The following TGFBR3 variants were observed in gnomAD, a reference collection of about 807,000 sequenced individuals.
TGFBR3 encodes transforming growth factor beta receptor type 3.
TGFBR3 carries 46 observed loss-of-function variants against 87.9 expected under a neutral mutation model. The ratio of observed to expected loss-of-function variants is 0.52; its 90% CI spans 0.41 to 0.67. The LOEUF (loss-of-function observed/expected upper bound fraction) is 0.67, where lower values mean the gene tolerates loss of function less well. TGFBR3 is among the 30% of genes least tolerant of loss of function. The pLI, the probability that TGFBR3 is intolerant of heterozygous loss-of-function variation, is 0.00. For synonymous variants in TGFBR3, 381 were observed against 391.6 expected (o/e 0.97, Z 0.32); for missense variants, 866 against 1,041.9 (o/e 0.83, Z 2.32).
Position 91,734,316 on chromosome 1 carries a change from A to G in TGFBR3, c.568+460T>C, listed in dbSNP as rs371495981. On this transcript the variant is annotated intron_variant, in intron 5 of 16. Transcript: ENST00000212355. The stretch of plus-strand genomic sequence containing the variant: ...AATACTTTTCCTTTGCTATTGTCCA[A>G]AATGTAACCTATGTCTCAGCACCAC... Among the ~76,000 whole-genome samples, 17 of 152,304 alleles carry G rather than the reference A, an allele frequency of 1.1e-4. No individual in the cohort carries two copies. In the South Asian group the frequency reaches 1.4e-3, roughly 13 times the overall value.
chr1:91,899,374 C>G (rs945326805), intron 2 of TGFBR3, among the ~76,000 whole-genome samples: 1 of 152,030 alleles, frequency 6.6e-6, no homozygotes, highest in Non-Finnish European at 1.5e-5. Flanking sequence ...CGTATGGTGG[C>G]GTGCACTGGT....
At chr1:91,878,286 A>G (rs1004320423) in intron 1 of TGFBR3, among the ~76,000 whole-genome samples, 2 of 152,104 alleles carry the variant, frequency 1.3e-5, no homozygotes, top group Non-Finnish European at 2.9e-5. Context: ...GAAAAGAAAA[A>G]AAAAAAAAAC....
intron 2 of TGFBR3, among the ~76,000 whole-genome samples, chr1:91,798,665 C>T (rs539591018): frequency 8.5e-5 from 13 of 152,224 alleles, no homozygotes; most frequent in African/African-American, 1.4e-4. Flanking sequence ...CTTTATTGGT[C>T]GAATGTGACC....
chr1:91,698,207 G>T, intron 14 of TGFBR3, 77 bp from the exon 15 acceptor site: 1 of 1,211,654 alleles, frequency 8.3e-7, no homozygotes, highest in Non-Finnish European at 1.2e-6. Flanking sequence ...AGTCTCAGCA[G>T]AAACTGACAC....
chr1:91,876,816 T>G (rs545236365), intron 1 of TGFBR3, among the ~76,000 whole-genome samples: 121 of 152,258 alleles, frequency 7.9e-4, no homozygotes, highest in Middle Eastern at 3.4e-3. Context: ...ATACAGAGCA[T>G]TTGAGAAAAA....
intron 2 of TGFBR3, among the ~76,000 whole-genome samples, chr1:91,843,268 C>G (rs911761875): frequency 6.6e-6 from 1 of 152,122 alleles, no homozygotes; most frequent in Non-Finnish European, 1.5e-5. Context: ...ATGAGGACAG[C>G]GCTCTCATGA....
intron 4 of TGFBR3, among the ~76,000 whole-genome samples, chr1:91,756,870 T>C (rs889320922): frequency 6.6e-6 from 1 of 152,210 alleles, no homozygotes; most frequent in Non-Finnish European, 1.5e-5. Context: ...ACAACATGTT[T>C]TTTTCCTGAA....
At chr1:91,859,649 G>C (rs1005543005) in intron 2 of TGFBR3, among the ~76,000 whole-genome samples, 4 of 152,190 alleles carry the variant, frequency 2.6e-5, no homozygotes, top group Non-Finnish European at 4.4e-5. Context: ...TTTATAGCCA[G>C]GGGAAGTGGC....
At position 91,740,403 on chromosome 1, in the gene TGFBR3, C is replaced by T. The variant is rs1437532856; in HGVS notation, c.385-5444G>A. On this transcript the variant is annotated intron_variant, in intron 4 of 16. Transcript: ENST00000212355. ...TTTTTTAGATGGAGTCTCGCTCTGT[C>T]GCCCAGGCTGGAGTGCAATGGCATG... 2.6e-5 allele frequency among the ~76,000 whole-genome samples: 4 copies of T among 151,004 alleles called. No individual in the cohort carries two copies. In the East Asian group the frequency reaches 5.8e-4, roughly 22 times the overall value.
intron 2 of TGFBR3, among the ~76,000 whole-genome samples, chr1:91,836,532 C>T (rs750799832): frequency 3.3e-5 from 5 of 152,110 alleles, no homozygotes; most frequent in South Asian, 4.1e-4. Context: ...TAAAACGCTG[C>T]GCTCCATTAA....
chr1:91,838,358 T>C (rs1475372383), intron 2 of TGFBR3, among the ~76,000 whole-genome samples: 2 of 152,076 alleles, frequency 1.3e-5, no homozygotes, highest in Non-Finnish European at 2.9e-5. Flanking sequence ...CCAACTATAA[T>C]AAACTGTAAC....
At chr1:91,874,419 T>C (rs10875030) in intron 1 of TGFBR3, among the ~76,000 whole-genome samples, 96,210 of 152,048 alleles carry the variant, frequency 0.63, 30,685 homozygotes, top group Middle Eastern at 0.75. Context: ...GTCACCAGCA[T>C]AAGAGTGGTG....
chr1:91,782,176 G>T (rs961802277), intron 3 of TGFBR3, among the ~76,000 whole-genome samples: 1 of 152,062 alleles, frequency 6.6e-6, no homozygotes, highest in Non-Finnish European at 1.5e-5. Context: ...GGAAGAACTC[G>T]CAGCAAGGAA....
intron 2 of TGFBR3, among the ~76,000 whole-genome samples, chr1:91,834,259 C>T (rs1243295599): frequency 3.3e-5 from 5 of 152,152 alleles, no homozygotes; most frequent in Non-Finnish European, 1.5e-5. Context: ...TGGTGTCTCC[C>T]GCCTTCAATA....
At chr1:91,736,886 C>A (rs1262911187) in intron 4 of TGFBR3, among the ~76,000 whole-genome samples, 1 of 152,190 alleles carries the variant, frequency 6.6e-6, no homozygotes, top group Non-Finnish European at 1.5e-5. Flanking sequence ...TACAGCAACC[C>A]TATATACATT....
At position 91,683,658 on chromosome 1, in the gene TGFBR3, G is replaced by A. The variant is rs780119636; in HGVS notation, c.*81C>T. ...CCAGCCCTCTGAGTCTGGACACGAGGCTCAGCCATTGGTCCTGCCCTTGGC... is the reference window on the plus strand; with the variant it reads ...CCAGCCCTCTGAGTCTGGACACGAGACTCAGCCATTGGTCCTGCCCTTGGC... On this transcript the variant is annotated 3_prime_UTR_variant, in exon 17 of 17. Coordinates refer to ENST00000212355, the MANE Select transcript of TGFBR3 (RefSeq NM_003243.5). 3 of 1,166,530 alleles carry A rather than the reference G, an allele frequency of 2.6e-6. No homozygotes were observed. In the African/African-American group the frequency reaches 4.6e-5, roughly 18 times the overall value. 72.3% of individuals were successfully genotyped at this position (1,166,530 alleles called of 1,614,324 possible).
chr1:91,774,325 T>C (rs983136266), intron 3 of TGFBR3, among the ~76,000 whole-genome samples: 1 of 151,980 alleles, frequency 6.6e-6, no homozygotes, highest in Non-Finnish European at 1.5e-5. Flanking sequence ...TTAGTAGAGA[T>C]GGGGTTTCAC....
At chr1:91,885,853 G>A in intron 1 of TGFBR3, 25 bp downstream of exon 1, 1 of 324,526 alleles carries the variant, frequency 3.1e-6, no homozygotes, top group Non-Finnish European at 6.0e-6. Context: ...GGGCTGCAGC[G>A]CCGCGGGGCT....
At chr1:91,762,873 C>T (rs1674022955) in intron 3 of TGFBR3, among the ~76,000 whole-genome samples, 2 of 152,334 alleles carry the variant, frequency 1.3e-5, no homozygotes, top group East Asian at 3.9e-4. Flanking sequence ...CTGAACACAA[C>T]TTTGCCCAAA....
Sources: allele counts gnomAD v4.1 joint callset (sites outside exome capture counted in the v4.1 genomes callset), GRCh38; gene constraint gnomAD v4.1.1; transcripts MANE v1.5; gene names NCBI Gene and HGNC (gene_info 2026-07-23, HGNC 2026-07-21).